BMPR1A: variants seen among roughly 807,000 people sequenced by gnomAD.
BMPR1A encodes bone morphogenetic protein receptor type 1A, also known as bone morphogenetic protein receptor type-1A.
A neutral mutation model predicts 66.0 loss-of-function variants in BMPR1A; 7 were observed. That is an observed-to-expected ratio of 0.11 (90% CI 0.06 to 0.20). The LOEUF (loss-of-function observed/expected upper bound fraction) is 0.20. BMPR1A is among the 10% of genes least tolerant of loss of function. The probability of loss-of-function intolerance (pLI) is 1.00; values close to 1 mark genes in which losing one functional copy is unlikely to be tolerated. For synonymous variants in BMPR1A, 200 were observed against 229.7 expected, an observed-to-expected ratio of 0.87 and a Z score of 1.17; for missense variants, 408 against 669.1, an observed-to-expected ratio of 0.61 and a Z score of 4.31.
intron 1 of BMPR1A, among the ~76,000 whole-genome samples, chr10:86,762,022 A>T (rs947250323): frequency 6.6e-6 from 1 of 152,162 alleles, no homozygotes. Flanking sequence ...TTATATTCCA[A>T]CAGTGGGAAT....
rs1341076597 is a variant in BMPR1A at position 86,926,238 on chromosome 10, G to A, written c.*2519G>A. The A allele has an allele frequency of 6.4e-6, 1 of 156,476 alleles. No individual in the cohort carries two copies. Among genetic ancestry groups the A allele is most frequent in the African/African-American group, 2.4e-5 (1 of 41,604 alleles). The allele number at this position is 156,476 out of a possible 1,614,324, so 9.7% of individuals were successfully genotyped here. On this transcript the variant is annotated 3_prime_UTR_variant, in exon 13 of 13. Transcript: ENST00000372037. ...GTCTTTGGAATCTTAATCTAAAAAT[G>A]TGGCCGGGCGCGGTGGCTCACGCCT...
At chr10:86,774,391 G>A (rs1180369441) in intron 1 of BMPR1A, among the ~76,000 whole-genome samples, 2 of 151,854 alleles carry the variant, frequency 1.3e-5, no homozygotes, top group Non-Finnish European at 2.9e-5. Context: ...CATGGGCCAA[G>A]CCTGAATTGT....
chr10:86,900,168 A>G lies in BMPR1A; in HGVS notation c.530+42A>G, dbSNP rs760090976. The stretch of plus-strand genomic sequence containing the variant: ...TTTGAAGCAAAATATTTTGTCAAAT[A>G]TTAGATGTCAACCGCTGTTTGTAAA... On this transcript the variant is annotated intron_variant, in intron 7 of 12. Transcript: ENST00000372037. 11 of 1,585,808 alleles carry G rather than the reference A, an allele frequency of 6.9e-6. No individual in the cohort carries two copies. In the South Asian group the frequency reaches 9.9e-5, roughly 14 times the overall value.
intron 2 of BMPR1A, among the ~76,000 whole-genome samples, chr10:86,850,267 G>A (rs1397147183): frequency 6.6e-6 from 1 of 151,606 alleles, no homozygotes; most frequent in Non-Finnish European, 1.5e-5. Context: ...GTTGCAGTGA[G>A]CTGAGATAGC....
At chr10:86,835,478 G>T (rs572421225) in intron 1 of BMPR1A, among the ~76,000 whole-genome samples, 4 of 139,606 alleles carry the variant, frequency 2.9e-5, no homozygotes, top group African/African-American at 1.1e-4. Context: ...TTGAACCCAG[G>T]AGGCAGAGGT....
chr10:86,890,543 C>T (rs748479842), intron 4 of BMPR1A, among the ~76,000 whole-genome samples: 4 of 151,430 alleles, frequency 2.6e-5, no homozygotes, highest in Non-Finnish European at 4.4e-5. Context: ...TAGAGGTTAC[C>T]AAAAAAGAAA....
intron 2 of BMPR1A, among the ~76,000 whole-genome samples, chr10:86,868,361 G>A (rs11202238): frequency 1.3e-5 from 2 of 151,978 alleles, no homozygotes; most frequent in Admixed American, 6.5e-5. Context: ...TGTTGCTCCA[G>A]TTGTACAAGT....
At chr10:86,877,322 C>T (rs958420096) in intron 3 of BMPR1A, among the ~76,000 whole-genome samples, 1 of 151,942 alleles carries the variant, frequency 6.6e-6, no homozygotes, top group Non-Finnish European at 1.5e-5. Context: ...ATTCTCTTGC[C>T]TCAGCCTCCC....
At chr10:86,781,133 C>T (rs1047302281) in intron 1 of BMPR1A, among the ~76,000 whole-genome samples, 7 of 152,286 alleles carry the variant, frequency 4.6e-5, no homozygotes, top group Middle Eastern at 3.4e-3. Flanking sequence ...GGATTACAGG[C>T]GTGAGACACC....
At chr10:86,780,684 C>G (rs1475002528) in intron 1 of BMPR1A, among the ~76,000 whole-genome samples, 1 of 152,102 alleles carries the variant, frequency 6.6e-6, no homozygotes, top group Non-Finnish European at 1.5e-5. Context: ...CCTCCTGCCT[C>G]CGCCTCCCAA....
At chr10:86,797,174 C>T (rs1412583298) in intron 1 of BMPR1A, among the ~76,000 whole-genome samples, 4 of 150,072 alleles carry the variant, frequency 2.7e-5, no homozygotes, top group Admixed American at 2.0e-4. Flanking sequence ...AAGCAATTCT[C>T]CTGCCTCAGC....
At chr10:86,890,980 C>A (rs12252243) in intron 4 of BMPR1A, among the ~76,000 whole-genome samples, 1 of 152,120 alleles carries the variant, frequency 6.6e-6, no homozygotes, top group African/African-American at 2.4e-5. Flanking sequence ...ATTGCCTGAA[C>A]AACTCAACCT....
chr10:86,792,209 G>A (rs1589718431), intron 1 of BMPR1A, among the ~76,000 whole-genome samples: 1 of 150,144 alleles, frequency 6.7e-6, no homozygotes, highest in Non-Finnish European at 1.5e-5. Context: ...CTGGGATTAC[G>A]GGCACACGCC....
At chr10:86,892,975 G>C (rs1843174193) in intron 5 of BMPR1A, among the ~76,000 whole-genome samples, 1 of 150,770 alleles carries the variant, frequency 6.6e-6, no homozygotes, top group African/African-American at 2.4e-5. Context: ...CACAATAATT[G>C]CAGCTAACGT....
intron 2 of BMPR1A, among the ~76,000 whole-genome samples, chr10:86,868,690 AAATC>A (rs1842814883): frequency 6.6e-6 from 1 of 152,006 alleles, no homozygotes; most frequent in African/African-American, 2.4e-5. Flanking sequence ...TAGAAAGTGA[AAATC>A]AACGGTGGGG....
intron 3 of BMPR1A, among the ~76,000 whole-genome samples, chr10:86,888,932 A>T (rs1564714430): frequency 6.6e-6 from 1 of 151,954 alleles, no homozygotes; most frequent in Non-Finnish European, 1.5e-5. Flanking sequence ...CATATGTGAT[A>T]TTTTTTGTCT....
chr10:86,761,684 C>G (rs530157850), intron 1 of BMPR1A, among the ~76,000 whole-genome samples: 1 of 152,254 alleles, frequency 6.6e-6, no homozygotes, highest in African/African-American at 2.4e-5. Context: ...ATTGCAGCCT[C>G]AGGCATAAAT....
chr10:86,761,353 A>C (rs1350783665), intron 1 of BMPR1A, among the ~76,000 whole-genome samples: 1 of 152,222 alleles, frequency 6.6e-6, no homozygotes, highest in East Asian at 1.9e-4. Context: ...TATACTGTTA[A>C]AGTCTGGAAC....
At chr10:86,818,419 A>G (rs1170804223) in intron 1 of BMPR1A, among the ~76,000 whole-genome samples, 1 of 152,098 alleles carries the variant, frequency 6.6e-6, no homozygotes, top group Non-Finnish European at 1.5e-5. Context: ...TGTTAACTGA[A>G]GATTGAAGTT....
Sources: gnomAD v4.1 joint callset for allele counts (sites outside exome capture counted in the v4.1 genomes callset) on GRCh38, gnomAD v4.1.1 for gene constraint, MANE v1.5 for transcripts, NCBI Gene and HGNC (gene_info 2026-07-23, HGNC 2026-07-21) for gene names.